JAK1: variants seen among roughly 807,000 people sequenced by gnomAD.
JAK1 encodes the protein Janus kinase 1, also known as tyrosine-protein kinase JAK1.
Under a neutral mutation model 136.6 loss-of-function variants are expected in JAK1, and 16 were observed. The ratio of observed to expected loss-of-function variants is 0.12; its 90% CI spans 0.08 to 0.18. JAK1 has a LOEUF of 0.18. Ranked by LOEUF, JAK1 falls within the 10% of genes least tolerant of loss-of-function variation. The pLI is 1.00. For synonymous variants in JAK1, 492 were observed against 519.5 expected, an observed-to-expected ratio of 0.95 and a Z score of 0.72; for missense variants, 859 against 1,450.1, an observed-to-expected ratio of 0.59 and a Z score of 6.62.
At chr1:65,039,237 T>C (rs538656498) in intron 2 of JAK1, among the ~76,000 whole-genome samples, 11 of 152,328 alleles carry the variant, frequency 7.2e-5, no homozygotes, top group Admixed American at 6.5e-4. Flanking sequence ...CTTTTGACCA[T>C]GCCAGTTGCT....
intron 1 of JAK1, among the ~76,000 whole-genome samples, chr1:64,929,998 G>T (rs573619863): frequency 3.3e-5 from 5 of 152,246 alleles, no homozygotes; most frequent in African/African-American, 1.2e-4. Flanking sequence ...ACTGAAACTG[G>T]ACACCTTCCT....
chr1:64,886,417 G>A, intron 1 of JAK1, 76 bp from the exon 2 acceptor site: 1 of 783,990 alleles, frequency 1.3e-6, no homozygotes, highest in Admixed American at 3.8e-5. Context: ...TTTCATTAAG[G>A]AAGCAGCCCA....
intron 2 of JAK1, among the ~76,000 whole-genome samples, chr1:65,038,101 C>T (rs748141390): frequency 2.0e-5 from 3 of 152,038 alleles, no homozygotes; most frequent in African/African-American, 2.4e-5. Context: ...CATCCGGGTG[C>T]ACAACCTGTG....
At chr1:64,936,408 G>C (rs922113409) in intron 1 of JAK1, among the ~76,000 whole-genome samples, 16 of 152,316 alleles carry the variant, frequency 1.1e-4, no homozygotes, top group Admixed American at 9.8e-4. Flanking sequence ...GTAGGAATTG[G>C]TGGGCACCTT....
chr1:64,875,965 AG>A (rs1013367472), intron 4 of JAK1: 19 of 152,470 alleles, frequency 1.2e-4, no homozygotes, highest in Non-Finnish European at 5.9e-5. Flanking sequence ...AGGTTCAAAG[AG>A]GGGTTCTGAC....
intron 12 of JAK1, 66 bp downstream of exon 12, chr1:64,850,738 C>A: frequency 9.5e-7 from 1 of 1,055,734 alleles, no homozygotes; most frequent in Non-Finnish European, 1.5e-6. Context: ...TCCCCCAGAT[C>A]CCCAAGCTGC....
intron 1 of JAK1, among the ~76,000 whole-genome samples, chr1:64,927,377 T>C (rs1645600661): frequency 1.3e-5 from 2 of 152,242 alleles, no homozygotes; most frequent in Non-Finnish European, 2.9e-5. Flanking sequence ...CTTCCTTTTT[T>C]TTCCATCTTC....
chr1:64,877,856 T>G (rs984319088), intron 4 of JAK1, among the ~76,000 whole-genome samples: 2 of 152,122 alleles, frequency 1.3e-5, no homozygotes, highest in Non-Finnish European at 2.9e-5. Context: ...GCCAGAAGGC[T>G]CAGCTGGGAC....
At chr1:64,886,919 A>G (rs1644861850) in intron 1 of JAK1, among the ~76,000 whole-genome samples, 1 of 152,204 alleles carries the variant, frequency 6.6e-6, no homozygotes, top group Admixed American at 6.5e-5. Context: ...TCAAATTAAC[A>G]GTGATTATCA....
intron 1 of JAK1, among the ~76,000 whole-genome samples, chr1:64,939,704 A>C (rs966244170): frequency 2.0e-5 from 3 of 152,172 alleles, no homozygotes; most frequent in African/African-American, 7.2e-5. Context: ...TAAGGCCTAA[A>C]AAATCTCACA....
intron 4 of JAK1, among the ~76,000 whole-genome samples, chr1:64,877,982 G>A (rs901757490): frequency 3.9e-5 from 6 of 152,206 alleles, no homozygotes; most frequent in African/African-American, 1.4e-4. Flanking sequence ...ATCTGGTTCA[G>A]TGTCCACTGA....
intron 1 of JAK1, among the ~76,000 whole-genome samples, chr1:64,957,141 A>T (rs991024717): frequency 6.6e-6 from 1 of 152,116 alleles, no homozygotes; most frequent in Non-Finnish European, 1.5e-5. Flanking sequence ...AGTGGGTGGG[A>T]GGAAGTGAAG....
chr1:64,990,596 T>C (rs1056393405), intron 2 of JAK1: 1 of 151,378 alleles, frequency 6.6e-6, no homozygotes, highest in African/African-American at 2.4e-5. Flanking sequence ...CACAAGAAGG[T>C]ACACAAAGAA....
chr1:65,001,321 G>T (rs908911291), intron 2 of JAK1, among the ~76,000 whole-genome samples: 1 of 152,178 alleles, frequency 6.6e-6, no homozygotes. Context: ...ACCAAAAGGG[G>T]CCCAGCCTCC....
intron 2 of JAK1, among the ~76,000 whole-genome samples, chr1:65,027,084 T>C (rs1646984798): frequency 6.6e-6 from 1 of 151,840 alleles, no homozygotes; most frequent in South Asian, 2.1e-4. Flanking sequence ...TATCACTCTG[T>C]TGCCCAGGCT....
At chr1:64,987,617 G>A (rs1646612388) in intron 2 of JAK1, 1 of 152,216 alleles carries the variant, frequency 6.6e-6, no homozygotes, top group African/African-American at 2.4e-5. Flanking sequence ...GTATCAGGCA[G>A]AACACCTTGG....
rs1656929755 is a variant in JAK1, at chr1:64,869,392, C to T, written c.566G>A (p.Cys189Tyr). 6.2e-7 allele frequency: 1 copy of T among 1,613,986 alleles called. No individual in the cohort carries two copies. The highest frequency in any genetic ancestry group is 8.5e-7 in the Non-Finnish European group (1 of 1,179,868). Reference sequence around the variant, plus strand: ...GATGGCCAGGACAGCCATCCCTAGACACTCGTTCTCAATATCATGTCCATC... The same window carrying T: ...GATGGCCAGGACAGCCATCCCTAGATACTCGTTCTCAATATCATGTCCATC... The part of the protein sequence containing the change: ...EQDGHDIENE[C>Y]LGMAVLAISH... The change falls in exon 6 of 25, where the codon TGT becomes TAT. Residue 189 changes from cysteine to tyrosine, a missense_variant. Physicochemically the swap from Cys to Tyr is radical, Grantham distance 194. Coordinates refer to ENST00000342505, the MANE Select transcript of JAK1 (RefSeq NM_002227.4).
At chr1:64,962,087 T>C (rs1319849279) in intron 1 of JAK1, among the ~76,000 whole-genome samples, 1 of 152,202 alleles carries the variant, frequency 6.6e-6, no homozygotes, top group Non-Finnish European at 1.5e-5. Flanking sequence ...ATTTACTCTT[T>C]TACATGCATA....
At chr1:64,953,150 G>A (rs1188333434) in intron 1 of JAK1, among the ~76,000 whole-genome samples, 1 of 152,108 alleles carries the variant, frequency 6.6e-6, no homozygotes, top group Non-Finnish European at 1.5e-5. Flanking sequence ...CACTTATAAA[G>A]GTGTAAACAT....
Sources: gnomAD v4.1 joint callset for allele counts (sites outside exome capture counted in the v4.1 genomes callset) on GRCh38, gnomAD v4.1.1 for gene constraint, MANE v1.5 for transcripts, NCBI Gene and HGNC (gene_info 2026-07-23, HGNC 2026-07-21) for gene names.